TRARG1: variants seen among roughly 807,000 people sequenced by gnomAD.
TRARG1 encodes the protein trafficking regulator of GLUT4 (SLC2A4) 1 (gene/pseudogene).
Under a neutral mutation model 13.3 loss-of-function variants are expected in TRARG1, and 16 were observed. The ratio of observed to expected loss-of-function variants is 1.20; its 90% CI spans 0.81 to 1.83. The LOEUF is 1.83. Ranked by LOEUF, TRARG1 falls within the 40% of genes most tolerant of loss-of-function variation. The pLI is 0.00. For missense variants in TRARG1, 250 were observed against 237.4 expected (o/e 1.05, Z -0.35); for synonymous variants, 113 against 106.2 (o/e 1.06, Z -0.39).
At position 1,300,833 on chromosome 17, in the gene TRARG1, G is replaced by A. The variant is rs1319752889; in HGVS notation, c.*2569G>A. 6.6e-6 allele frequency: 1 copy of A among 152,312 alleles called. No individual in the cohort carries two copies. Among genetic ancestry groups the A allele is most frequent in the Non-Finnish European group, 1.5e-5 (1 of 68,102 alleles). 9.4% of individuals were successfully genotyped at this position (152,312 alleles called of 1,614,324 possible). ...TCTTGGTTCTAGCCGCCACCTGCATGAACACAGTGGCCCGGCTTAACGCAC... is the reference window on the plus strand; with the variant it reads ...TCTTGGTTCTAGCCGCCACCTGCATAAACACAGTGGCCCGGCTTAACGCAC... On this transcript the variant is annotated 3_prime_UTR_variant, in exon 3 of 3. Transcript: ENST00000333813.
At chr17:1,290,710 A>G (rs1239684069) in intron 1 of TRARG1, among the ~76,000 whole-genome samples, 1 of 151,764 alleles carries the variant, frequency 6.6e-6, no homozygotes, top group Non-Finnish European at 1.5e-5. Flanking sequence ...ACTAATCGCA[A>G]TCCCTGCCTC....
intron 2 of TRARG1, among the ~76,000 whole-genome samples, 174 bp downstream of exon 2, chr17:1,295,797 A>G (rs113757055): frequency 0.016 from 2,373 of 152,344 alleles, 64 homozygotes; most frequent in African/African-American, 0.054. Flanking sequence ...AGGAGGGACC[A>G]GATGAGTGGG....
intron 1 of TRARG1, among the ~76,000 whole-genome samples, chr17:1,286,636 G>C (rs1445363673): frequency 7.1e-6 from 1 of 141,470 alleles, no homozygotes; most frequent in Non-Finnish European, 1.6e-5. Flanking sequence ...TCGGCCTGTG[G>C]GGTGTTATCG....
At chr17:1,282,256 G>GTATATACA (rs897323471) in intron 1 of TRARG1, among the ~76,000 whole-genome samples, 1 of 125,938 alleles carries the variant, frequency 7.9e-6, no homozygotes, top group African/African-American at 3.1e-5. Context: ...GTATATGTAC[G>GTATATACA]TATATGTACA....
intron 1 of TRARG1, among the ~76,000 whole-genome samples, chr17:1,294,735 G>C (rs72631500): frequency 0.2 from 30,053 of 148,218 alleles, 3,204 homozygotes; most frequent in Admixed American, 0.28. Context: ...TCCCAGGCTA[G>C]GGTGCAGTGG....
rs535649545 is a variant in TRARG1, at chr17:1,298,408, C to T, written c.*144C>T. 2.6e-4 allele frequency: 220 copies of T among 835,292 alleles called. 1 individual carries two copies. In the African/African-American group the frequency reaches 3.3e-3, roughly 12 times the overall value. The allele number at this position is 835,292 out of a possible 1,614,324, so 51.7% of individuals were successfully genotyped here. On this transcript the variant is annotated 3_prime_UTR_variant, in exon 3 of 3. Transcript: ENST00000333813. ...AAGCACAGACTCAAAGGGAAACCCC[C>T]CAGTCACCCACTGTCAGCCCCCATC...
At chr17:1,294,265 C>T (rs952401317) in intron 1 of TRARG1, among the ~76,000 whole-genome samples, 9 of 151,964 alleles carry the variant, frequency 5.9e-5, no homozygotes, top group African/African-American at 4.8e-5. Flanking sequence ...CCGTTTTAGC[C>T]GTTGAACTAG....
chr17:1,282,062 G>GTATACACATATATACACATA (rs71148454), intron 1 of TRARG1, among the ~76,000 whole-genome samples: 1 of 145,378 alleles, frequency 6.9e-6, no homozygotes, highest in Non-Finnish European at 1.5e-5. Context: ...ATATGTACAT[G>GTATACACATATATACACATA]TATACACATA....
chr17:1,290,661 G>C (rs540606482), intron 1 of TRARG1, among the ~76,000 whole-genome samples: 1 of 152,040 alleles, frequency 6.6e-6, no homozygotes, highest in South Asian at 2.1e-4. Flanking sequence ...CCCACATCAT[G>C]GTCTGTGCTC....
chr17:1,295,466 G>T, intron 1 of TRARG1, 25 bp from the exon 2 acceptor site: 1 of 1,569,026 alleles, frequency 6.4e-7, no homozygotes, highest in Non-Finnish European at 8.6e-7. Context: ...CCGGTTCCCG[G>T]GGTCTCTCTG....
At chr17:1,292,336 C>G (rs2072075031) in intron 1 of TRARG1, among the ~76,000 whole-genome samples, 1 of 152,218 alleles carries the variant, frequency 6.6e-6, no homozygotes, top group South Asian at 2.1e-4. Flanking sequence ...CCCTGCCTCC[C>G]CTCTGTTCCC....
rs754300458 is a variant in TRARG1, at chr17:1,280,243, C to T, written c.242C>T (p.Ala81Val). The T allele has an allele frequency of 3.1e-6, 5 of 1,613,966 alleles. No individual in the cohort carries two copies. Among genetic ancestry groups the T allele is most frequent in the African/African-American group, 1.3e-5 (1 of 74,940 alleles). ...CCACTGCCTCGGTCCCCCTCCCGGG[C>T]CAGCTCAAGGAGGGCGTCCTCCATC... is the stretch of plus-strand genomic sequence containing the variant. ...EAPLPRSPSR[A>V]SSRRASSIAT... The change falls in exon 1 of 3, where the codon GCC (alanine) becomes GTC (valine). Residue 81 changes from alanine (A) to valine (V), a missense_variant. Ala to Val is a moderately conservative substitution (Grantham distance 64). Coordinates refer to ENST00000333813, the MANE Select transcript of TRARG1 (RefSeq NM_172367.3).
intron 1 of TRARG1, among the ~76,000 whole-genome samples, chr17:1,294,830 G>A (rs928551997): frequency 2.0e-5 from 3 of 151,612 alleles, no homozygotes; most frequent in Non-Finnish European, 2.9e-5. Context: ...GGATTATAGG[G>A]GTGCACCACC....
chr17:1,295,434 A>C, intron 1 of TRARG1, 57 bp from the exon 2 acceptor site: 1 of 1,537,060 alleles, frequency 6.5e-7, no homozygotes, highest in Non-Finnish European at 8.7e-7. Context: ...GCTGAGGCCC[A>C]TGAAGCTGAC....
At chr17:1,298,145 A>G in intron 2 of TRARG1, 106 bp from the exon 3 acceptor site, 1 of 1,416,848 alleles carries the variant, frequency 7.1e-7, no homozygotes, top group Non-Finnish European at 9.9e-7. Context: ...CCTTATCCCT[A>G]TTACCACTTC....
chr17:1,282,296 GTATATGTACATATGCGTA>G (rs1271351081), intron 1 of TRARG1, among the ~76,000 whole-genome samples: 2 of 150,316 alleles, frequency 1.3e-5, no homozygotes, highest in African/African-American at 2.5e-5. Flanking sequence ...ATATATGTAC[GTATATGTACATATGCGTA>G]TATATGTACA....
At chr17:1,283,047 T>C (rs1380405703) in intron 1 of TRARG1, among the ~76,000 whole-genome samples, 1 of 152,096 alleles carries the variant, frequency 6.6e-6, no homozygotes, top group Non-Finnish European at 1.5e-5. Context: ...AGGGAATACA[T>C]TGCTAACCAG....
chr17:1,290,362 C>G (rs759891746), intron 1 of TRARG1, among the ~76,000 whole-genome samples: 15 of 152,188 alleles, frequency 9.9e-5, no homozygotes, highest in Non-Finnish European at 1.8e-4. Flanking sequence ...ATGGCGTGAT[C>G]TCAGCTCACT....
intron 1 of TRARG1, among the ~76,000 whole-genome samples, chr17:1,282,285 C>CATATATGTACATATGCGT (rs1838205377): frequency 7.3e-6 from 1 of 136,848 alleles, no homozygotes; most frequent in Admixed American, 7.7e-5. Flanking sequence ...CGTATATGTA[C>CATATATGTACATATGCGT]ATATATGTAC....
Sources: allele counts gnomAD v4.1 joint callset (sites outside exome capture counted in the v4.1 genomes callset), GRCh38; gene constraint gnomAD v4.1.1; transcripts MANE v1.5; gene names NCBI Gene and HGNC (gene_info 2026-07-23, HGNC 2026-07-21).